SPTLC3: variants seen among roughly 807,000 people sequenced by gnomAD.
SPTLC3 encodes the protein serine palmitoyltransferase long chain base subunit 3, also known as serine palmitoyltransferase 3.
A neutral mutation model predicts 59.3 loss-of-function variants in SPTLC3; 36 were observed. The observed-to-expected ratio is 0.61, with a 90% CI of 0.47 to 0.80. The LOEUF (loss-of-function observed/expected upper bound fraction) is 0.80, where lower values mean the gene tolerates loss of function less well. SPTLC3 is among the 30% of genes least tolerant of loss of function. The pLI, the probability that SPTLC3 is intolerant of heterozygous loss-of-function variation, is 0.00. For missense variants in SPTLC3, 625 were observed against 685.1 expected, an observed-to-expected ratio of 0.91 and a Z score of 0.98; for synonymous variants, 257 against 240.8, an observed-to-expected ratio of 1.07 and a Z score of -0.62.
Position 13,105,263 on chromosome 20 carries a change from G to C in SPTLC3, c.827-4849G>C, listed in dbSNP as rs181122734. Among the ~76,000 whole-genome samples, 636 of 135,054 alleles carry C rather than the reference G, an allele frequency of 4.7e-3. 2 individuals are homozygous for C. The highest frequency in any genetic ancestry group is 7.3e-3 in the Middle Eastern group (2 of 274). 88.6% of individuals were successfully genotyped at this position (135,054 alleles called of 152,430 possible). On this transcript the variant is annotated intron_variant, in intron 6 of 11. Coordinates refer to ENST00000399002, the MANE Select transcript of SPTLC3 (RefSeq NM_018327.4). ...GAGGTCGGAGAGTTCATCCCCTGCA[G>C]GAGGAAAAAAAAAATGGCTAATTGA...
At chr20:13,080,651 A>G (rs532892031) in intron 4 of SPTLC3, among the ~76,000 whole-genome samples, 3 of 152,244 alleles carry the variant, frequency 2.0e-5, no homozygotes, top group Admixed American at 1.3e-4. Flanking sequence ...AAAAAAAATA[A>G]TAACCCGTAG....
intron 9 of SPTLC3, among the ~76,000 whole-genome samples, chr20:13,135,211 T>C (rs547150401): frequency 6.6e-6 from 1 of 152,328 alleles, no homozygotes; most frequent in East Asian, 1.9e-4. Context: ...CTTCAATGGG[T>C]AGGATCAATT....
intron 11 of SPTLC3, among the ~76,000 whole-genome samples, chr20:13,160,358 G>A (rs1346152758): frequency 6.6e-6 from 1 of 152,208 alleles, no homozygotes; most frequent in Non-Finnish European, 1.5e-5. Flanking sequence ...TTCAATCAGT[G>A]TTTTGGTTTC....
chr20:13,056,961 T>G (rs1056039042), intron 2 of SPTLC3, among the ~76,000 whole-genome samples: 1 of 151,694 alleles, frequency 6.6e-6, no homozygotes, highest in Admixed American at 6.6e-5. Flanking sequence ...AGGCTGGTCT[T>G]GAACTCCTGA....
chr20:13,089,528 G>A (rs556265846), intron 4 of SPTLC3, among the ~76,000 whole-genome samples: 3 of 152,252 alleles, frequency 2.0e-5, no homozygotes, highest in East Asian at 3.9e-4. Flanking sequence ...GCTCACGCCT[G>A]TAATCCCAGC....
rs781348254 is a variant in SPTLC3 at position 13,126,633 on chromosome 20, T to C, written c.1195T>C (p.Tyr399His). Residue 399 changes from tyrosine (Y) to histidine (H), a missense_variant, in exon 9 of 12, where the codon TAT becomes CAT. Coordinates refer to ENST00000399002, the MANE Select transcript of SPTLC3 (RefSeq NM_018327.4). Reference sequence around the variant, plus strand: ...ACGGGTTCACTCGCATAGTGCTGTTTATGCTTCATCCATGAGCCCACCGAT... The same window carrying C: ...ACGGGTTCACTCGCATAGTGCTGTTCATGCTTCATCCATGAGCCCACCGAT... The part of the protein sequence containing the change: ...YLRVHSHSAV[Y>H]ASSMSPPIAE... The C allele has an allele frequency of 6.2e-6, 10 of 1,614,016 alleles. No individual in the cohort carries two copies. Among genetic ancestry groups the C allele is most frequent in the South Asian group, 1.1e-5 (1 of 91,090 alleles).
At chr20:13,032,662 C>G (rs1986546173) in intron 1 of SPTLC3, among the ~76,000 whole-genome samples, 2 of 152,138 alleles carry the variant, frequency 1.3e-5, no homozygotes, top group Admixed American at 1.3e-4. Flanking sequence ...TCACTCATTT[C>G]TTCAGCAGAT....
At chr20:13,124,819 G>C (rs1369098645) in intron 8 of SPTLC3, among the ~76,000 whole-genome samples, 3 of 152,306 alleles carry the variant, frequency 2.0e-5, no homozygotes, top group East Asian at 1.9e-4. Context: ...CCAGGCCCAG[G>C]CTCGGAAGTG....
chr20:13,118,610 T>C (rs187858554), intron 8 of SPTLC3, among the ~76,000 whole-genome samples: 12 of 152,276 alleles, frequency 7.9e-5, no homozygotes, highest in Admixed American at 7.2e-4. Context: ...CTGACACCTA[T>C]CTCAGACAAA....
rs771848958 is a variant in SPTLC3, at chr20:13,160,070, C to G, written c.1483C>G (p.Leu495Val). ...VVVVGFPATP[L>V]AEARARFCVS... ...GGTCGTGGGATTTCCAGCCACTCCC[C>G]TCGCAGAAGCTCGGGCTCGGTTTTG... Residue 495 changes from leucine to valine, a missense_variant, in exon 11 of 12, where the codon CTC becomes GTC. Coordinates refer to ENST00000399002, the MANE Select transcript of SPTLC3 (RefSeq NM_018327.4). 3.1e-6 allele frequency: 5 copies of G among 1,613,728 alleles called. No individual in the cohort carries two copies. The highest frequency in any genetic ancestry group is 4.2e-6 in the Non-Finnish European group (5 of 1,179,876).
intron 10 of SPTLC3, among the ~76,000 whole-genome samples, chr20:13,159,577 T>A (rs1419674324): frequency 6.6e-6 from 1 of 152,194 alleles, no homozygotes; most frequent in Non-Finnish European, 1.5e-5. Flanking sequence ...TTATAAAACA[T>A]ATAGGTTTAC....
At position 13,142,877 on chromosome 20, in the gene SPTLC3, C is replaced by T. The variant is rs150890267; in HGVS notation, c.1280-11126C>T. ...GCCCCTCCATCTTCAAAGCCAGCAA[C>T]GGAGAGTCTCCCTCACATCAAATAC... On this transcript the variant is annotated intron_variant, in intron 9 of 11. Transcript: ENST00000399002. Among the ~76,000 whole-genome samples the T allele has an allele frequency of 2.8e-4, 43 of 152,220 alleles. 1 individual carries two copies. In the East Asian group the frequency reaches 7.0e-3, roughly 25 times the overall value.
At chr20:13,018,241 A>G (rs1407827365) in intron 1 of SPTLC3, among the ~76,000 whole-genome samples, 1 of 152,228 alleles carries the variant, frequency 6.6e-6, no homozygotes, top group Non-Finnish European at 1.5e-5. Context: ...ATACATGGAT[A>G]TTATATTTCC....
chr20:13,115,030 T>C (rs760381606), intron 7 of SPTLC3, among the ~76,000 whole-genome samples: 1 of 152,242 alleles, frequency 6.6e-6, no homozygotes, highest in Non-Finnish European at 1.5e-5. Context: ...TTACCTACAG[T>C]CGTGTTTTAG....
chr20:13,010,034 T>C (rs1365637260), intron 1 of SPTLC3, among the ~76,000 whole-genome samples: 1 of 145,116 alleles, frequency 6.9e-6, no homozygotes, highest in Non-Finnish European at 1.5e-5. Context: ...ATTTTCCAAC[T>C]TGACACTTTT....
intron 9 of SPTLC3, 53 bp from the exon 10 acceptor site, chr20:13,153,950 T>A: frequency 6.2e-7 from 1 of 1,601,300 alleles, no homozygotes; most frequent in East Asian, 2.2e-5. Flanking sequence ...ACCGGACCTT[T>A]ACTTCCCTCT....
At chr20:13,154,288 A>G in intron 10 of SPTLC3, 150 bp downstream of exon 10, 1 of 931,738 alleles carries the variant, frequency 1.1e-6, no homozygotes, top group South Asian at 1.7e-5. Flanking sequence ...CTGTCACTCT[A>G]TCAGCTAGAC....
In SPTLC3 at chr20:13,116,148, G is replaced by A. The variant is rs571747312; in HGVS notation, c.933-1358G>A. Among the ~76,000 whole-genome samples, 19 of 151,840 alleles carry A rather than the reference G, an allele frequency of 1.3e-4. No individual in the cohort carries two copies. In the East Asian group the frequency reaches 1.7e-3, roughly 14 times the overall value. On this transcript the variant is annotated intron_variant, in intron 7 of 11. Coordinates refer to ENST00000399002, the MANE Select transcript of SPTLC3 (RefSeq NM_018327.4). ...TGATACTCTCTCCAAACCAACACCC[G>A]TTGGTCTGGGTGACTGTGCACACAG...
At chr20:13,136,724 A>T (rs112262498) in intron 9 of SPTLC3, among the ~76,000 whole-genome samples, 5 of 147,746 alleles carry the variant, frequency 3.4e-5, no homozygotes, top group African/African-American at 1.2e-4. Flanking sequence ...TATAATATAT[A>T]AATAAAAGTT....
Sources: allele counts gnomAD v4.1 joint callset (sites outside exome capture counted in the v4.1 genomes callset), GRCh38; gene constraint gnomAD v4.1.1; transcripts MANE v1.5; gene names NCBI Gene and HGNC (gene_info 2026-07-23, HGNC 2026-07-21).